Variants in CCDC171 observed in about 807,000 individuals in gnomAD.
The protein encoded by CCDC171 is coiled-coil domain-containing protein 171.
A neutral mutation model predicts 168.2 loss-of-function variants in CCDC171; 177 were observed. That is an observed-to-expected ratio of 1.05 (90% CI 0.93 to 1.19). The LOEUF (loss-of-function observed/expected upper bound fraction) is 1.19. CCDC171 is among the 50% of genes most tolerant of loss of function. The pLI is 0.00. For missense variants in CCDC171, 1,991 were observed against 1,539.0 expected, an observed-to-expected ratio of 1.29 and a Z score of -4.91; for synonymous variants, 687 against 540.8, an observed-to-expected ratio of 1.27 and a Z score of -3.75.
At chr9:15,912,104 A>C (rs958379911) in intron 24 of CCDC171, among the ~76,000 whole-genome samples, 1 of 152,224 alleles carries the variant, frequency 6.6e-6, no homozygotes, top group Non-Finnish European at 1.5e-5. Context: ...TGGTGGCTTG[A>C]TGGCAATGGC....
At chr9:15,675,848 T>C (rs117572686) in intron 9 of CCDC171, among the ~76,000 whole-genome samples, 1 of 152,296 alleles carries the variant, frequency 6.6e-6, no homozygotes, top group East Asian at 1.9e-4. Context: ...CAATCGTGCA[T>C]CTTGGGATTG....
At chr9:16,084,949 A>G in the CCDC171 span, among the ~76,000 whole-genome samples, 2 of 152,208 alleles carry the variant, frequency 1.3e-5, no homozygotes, top group African/African-American at 4.8e-5. Flanking sequence ...TTTGAGCATC[A>G]GTTTCATTTG....
chr9:15,624,710 CATT>C lies in CCDC171; in HGVS notation c.822+1298_822+1300del, dbSNP rs541504777. On this transcript the variant is annotated intron_variant, in intron 7 of 25. Transcript: ENST00000380701. ...GCCACATTTTCTTAATCCAGTCTATCATTGTTGGACATTTGGGTTGGTTCCAAG... is the reference window on the plus strand; with the variant it reads ...GCCACATTTTCTTAATCCAGTCTATCGTTGGACATTTGGGTTGGTTCCAAG... Among the ~76,000 whole-genome samples the C allele has an allele frequency of 6.0e-3, 914 of 152,232 alleles. 5 individuals are homozygous for C. The highest frequency in any genetic ancestry group is 0.021 in the African/African-American group (860 of 41,522).
chr9:15,705,047 T>G (rs1485304536), intron 11 of CCDC171, among the ~76,000 whole-genome samples: 3 of 151,560 alleles, frequency 2.0e-5, no homozygotes, highest in Non-Finnish European at 4.4e-5. Context: ...GCTGAAATAA[T>G]ACTGTTTACT....
At chr9:15,833,415 T>G (rs1253413321) in intron 21 of CCDC171, among the ~76,000 whole-genome samples, 2 of 152,192 alleles carry the variant, frequency 1.3e-5, no homozygotes, top group African/African-American at 4.8e-5. Context: ...GTAAACTATT[T>G]GGAATTTTGT....
At chr9:15,977,028 C>T (rs550339268), downstream of CCDC171, among the ~76,000 whole-genome samples, 2 of 152,112 alleles carry the variant, frequency 1.3e-5, no homozygotes, top group Non-Finnish European at 2.9e-5. Context: ...GTAAGAAACC[C>T]CTCCATTCCT....
chr9:15,575,705 C>T (rs573573903), intron 3 of CCDC171, among the ~76,000 whole-genome samples: 4 of 152,230 alleles, frequency 2.6e-5, no homozygotes, highest in Non-Finnish European at 5.9e-5. Flanking sequence ...AAGGCTTGAC[C>T]CAGCCAGTCC....
At chr9:15,869,293 G>A (rs770052300) in intron 23 of CCDC171, among the ~76,000 whole-genome samples, 10 of 151,870 alleles carry the variant, frequency 6.6e-5, no homozygotes, top group Non-Finnish European at 1.2e-4. Flanking sequence ...TAAAGAAGGA[G>A]GAAAGTATCC....
At chr9:15,642,705 GTAA>G (rs2046739065) in intron 7 of CCDC171, among the ~76,000 whole-genome samples, 1 of 152,074 alleles carries the variant, frequency 6.6e-6, no homozygotes, top group South Asian at 2.1e-4. Flanking sequence ...GATAGTTTCA[GTAA>G]TAATAAGCAC....
At chr9:15,701,009 A>G (rs2051687966) in intron 11 of CCDC171, among the ~76,000 whole-genome samples, 1 of 152,060 alleles carries the variant, frequency 6.6e-6, no homozygotes, top group African/African-American at 2.4e-5. Flanking sequence ...ATTTTAAAAT[A>G]TACTCATTGG....
In CCDC171 at chr9:15,862,772, G is replaced by C. The variant is rs1335783205; in HGVS notation, c.3469-11760G>C. ...AGTCCAAACTGTCATCTTCTTAAAG[G>C]CTCCAGGGTTCTAGAGTATGCTAGA... On this transcript the variant is annotated intron_variant, in intron 23 of 25. Coordinates refer to ENST00000380701, the MANE Select transcript of CCDC171 (RefSeq NM_173550.4). 2.6e-5 allele frequency among the ~76,000 whole-genome samples: 4 copies of C among 151,956 alleles called. No homozygotes were observed. In the East Asian group the frequency reaches 5.8e-4, roughly 22 times the overall value.
chr9:15,831,033 G>A (rs974409077), intron 21 of CCDC171, among the ~76,000 whole-genome samples: 2 of 139,872 alleles, frequency 1.4e-5, no homozygotes, highest in African/African-American at 2.6e-5. Context: ...GCAGTGGCAC[G>A]ATCTCAGCTC....
chr9:15,978,340 G>T (rs967762537), downstream of CCDC171, among the ~76,000 whole-genome samples: 1 of 151,816 alleles, frequency 6.6e-6, no homozygotes, highest in Non-Finnish European at 1.5e-5. Context: ...GAATGGTGGC[G>T]GTGTTCTTAC....
intron 25 of CCDC171, among the ~76,000 whole-genome samples, chr9:15,956,168 A>G (rs1298888647): frequency 6.6e-6 from 1 of 152,160 alleles, no homozygotes; most frequent in Non-Finnish European, 1.5e-5. Context: ...CATGTCACGA[A>G]AGCACTGCTA....
At chr9:15,554,467 T>C in intron 1 of CCDC171, among the ~76,000 whole-genome samples, 1 of 152,160 alleles carries the variant, frequency 6.6e-6, no homozygotes, top group East Asian at 1.9e-4. Flanking sequence ...TCTTAGTTTG[T>C]AGCTTTCTGT....
chr9:15,665,992 T>C (rs1032378487), intron 8 of CCDC171, among the ~76,000 whole-genome samples, 171 bp from the exon 9 acceptor site: 1 of 152,130 alleles, frequency 6.6e-6, no homozygotes, highest in Non-Finnish European at 1.5e-5. Flanking sequence ...TTTAAACATA[T>C]TGAGAAAGGG....
intron 18 of CCDC171, among the ~76,000 whole-genome samples, chr9:15,760,878 C>T (rs547044813): frequency 6.6e-6 from 1 of 152,192 alleles, no homozygotes; most frequent in East Asian, 1.9e-4. Context: ...AGTGTTTGCC[C>T]ACTTGAGATA....
At chr9:15,870,514 C>A (rs1376889726) in intron 23 of CCDC171, among the ~76,000 whole-genome samples, 1 of 151,830 alleles carries the variant, frequency 6.6e-6, no homozygotes, top group East Asian at 1.9e-4. Context: ...ATATCAGTTG[C>A]CTTTCCCAGG....
At chr9:15,758,593 G>A (rs1302695272) in intron 18 of CCDC171, among the ~76,000 whole-genome samples, 2 of 152,172 alleles carry the variant, frequency 1.3e-5, no homozygotes, top group Non-Finnish European at 2.9e-5. Context: ...ATTTTGAAAT[G>A]TGAGGACATG....
Sources: gnomAD v4.1 joint callset for allele counts (sites outside exome capture counted in the v4.1 genomes callset) on GRCh38, gnomAD v4.1.1 for gene constraint, MANE v1.5 for transcripts, NCBI Gene and HGNC (gene_info 2026-07-23, HGNC 2026-07-21) for gene names.